The following ECHDC3 variants were observed in gnomAD, a reference collection of about 807,000 sequenced individuals.
The protein encoded by ECHDC3 is enoyl-CoA hydratase domain containing 3.
A neutral mutation model predicts 17.9 loss-of-function variants in ECHDC3; 20 were observed. The ratio of observed to expected loss-of-function variants is 1.12; its 90% CI spans 0.79 to 1.63. The LOEUF (loss-of-function observed/expected upper bound fraction) is 1.63. Ranked by LOEUF, ECHDC3 falls within the 40% of genes most tolerant of loss-of-function variation. The probability of loss-of-function intolerance (pLI) is 0.00; values close to 1 mark genes in which losing one functional copy is unlikely to be tolerated. For missense variants in ECHDC3, 407 were observed against 357.7 expected (o/e 1.14, Z -1.11); for synonymous variants, 177 against 149.7 (o/e 1.18, Z -1.33).
intron 1 of ECHDC3, among the ~76,000 whole-genome samples, chr10:11,744,950 T>C (rs1240322152): frequency 3.3e-5 from 5 of 151,542 alleles, no homozygotes; most frequent in African/African-American, 4.9e-5. Context: ...CTGGGAAGAG[T>C]GTGGAGGACA....
At chr10:11,744,596 G>A (rs756677292) in intron 1 of ECHDC3, among the ~76,000 whole-genome samples, 2 of 151,818 alleles carry the variant, frequency 1.3e-5, no homozygotes, top group Non-Finnish European at 2.9e-5. Flanking sequence ...TTTTCTCTTC[G>A]GATAGGTGAT....
Position 11,763,902 on chromosome 10 carries a change from G to C in ECHDC3, c.*358G>C. On this transcript the variant is annotated 3_prime_UTR_variant, in exon 5 of 5. Transcript: ENST00000379215. The surrounding 1 kb of genome is among the most constrained non-coding windows in gnomAD (Gnocchi z 4.9). Reference sequence around the variant, plus strand: ...AAGGACGCCAGCCTGACCCTTATCTGAAACGTCCTAAGCAGAGTTAATCCT... The same window carrying C: ...AAGGACGCCAGCCTGACCCTTATCTCAAACGTCCTAAGCAGAGTTAATCCT... 1 of 1,042,238 alleles carries C rather than the reference G, an allele frequency of 9.6e-7. No homozygotes were observed. The highest frequency in any genetic ancestry group is 3.8e-5 in the South Asian group (1 of 26,146). The allele number at this position is 1,042,238 out of a possible 1,614,324, so 64.6% of individuals were successfully genotyped here. A position where few individuals can be genotyped will look rare whatever the true frequency, so the allele number is the denominator to read the frequency against.
At chr10:11,761,668 G>A (rs1041210036) in intron 4 of ECHDC3, among the ~76,000 whole-genome samples, 7 of 152,230 alleles carry the variant, frequency 4.6e-5, no homozygotes, top group African/African-American at 1.7e-4. Flanking sequence ...GTAGTTGGCG[G>A]CACACTGCAC....
chr10:11,751,481 T>G (rs555580190), intron 3 of ECHDC3, among the ~76,000 whole-genome samples: 2 of 152,364 alleles, frequency 1.3e-5, no homozygotes, highest in South Asian at 4.1e-4. Context: ...GATTTCCATT[T>G]CCAAGTGAAA....
At chr10:11,743,478 G>A (rs943086044) in intron 1 of ECHDC3, among the ~76,000 whole-genome samples, 2 of 152,234 alleles carry the variant, frequency 1.3e-5, no homozygotes, top group Admixed American at 1.3e-4. Context: ...TGGCTTCAGC[G>A]TTTTCCTTTT....
chr10:11,757,014 C>T (rs374652126), intron 4 of ECHDC3, among the ~76,000 whole-genome samples: 1 of 152,232 alleles, frequency 6.6e-6, no homozygotes, highest in Non-Finnish European at 1.5e-5. Context: ...GGATTACAGG[C>T]GTGAGCCGCC....
intron 2 of ECHDC3, 127 bp from the exon 3 acceptor site, chr10:11,749,368 T>C (rs1832798430): frequency 1.3e-6 from 1 of 767,004 alleles, no homozygotes; most frequent in Admixed American, 2.9e-5. Flanking sequence ...TTCTCAAAAT[T>C]AGGCCATTAA....
At chr10:11,752,530 A>G (rs12246489) in intron 3 of ECHDC3, among the ~76,000 whole-genome samples, 141,943 of 152,080 alleles carry the variant, frequency 0.93, 67,091 homozygotes, top group East Asian at 1. Context: ...AGAGAGAACC[A>G]TGATTAATAT....
intron 3 of ECHDC3, among the ~76,000 whole-genome samples, chr10:11,750,048 G>A (rs1487731680): frequency 1.3e-5 from 2 of 151,834 alleles, no homozygotes; most frequent in Non-Finnish European, 2.9e-5. Context: ...CTCCTCCCTC[G>A]ACCTTCCAAA....
chr10:11,743,124 C>A (rs541302254), intron 1 of ECHDC3, among the ~76,000 whole-genome samples: 1 of 152,328 alleles, frequency 6.6e-6, no homozygotes, highest in South Asian at 2.1e-4. Flanking sequence ...GTAAATAGGA[C>A]AAAGTGCACA....
Position 11,763,720 on chromosome 10 carries a change from T to C in ECHDC3, c.*176T>C, listed in dbSNP as rs1399525784. 7.1e-7 allele frequency: 1 copy of C among 1,412,852 alleles called. No homozygotes were observed. Among genetic ancestry groups the C allele is most frequent in the Non-Finnish European group, 9.2e-7 (1 of 1,086,482 alleles). 87.5% of individuals were successfully genotyped at this position (1,412,852 alleles called of 1,614,324 possible). On this transcript the variant is annotated 3_prime_UTR_variant, in exon 5 of 5. Transcript: ENST00000379215. This position sits in a 1 kb window ranked among gnomAD's most constrained non-coding sequence, Gnocchi z 4.9. ...ACAATTTCATGGGGAAAGGACAAAA[T>C]GGAGAGTGACTGAGGTGCTGACCTC...
At position 11,749,577 on chromosome 10, in the gene ECHDC3, T is replaced by C; in HGVS notation, c.375T>C (p.Phe125=). Residue 125 remains phenylalanine, a synonymous_variant, in exon 3 of 5, where the codon TTT becomes TTC. Transcript: ENST00000379215. ...EQGRDYHAEV[F]QTCSKVMMHI... ...GCCGTGATTACCATGCCGAAGTATTTCAGACCTGTTCCAAGGTAAGCCAAG... is the reference window on the plus strand; with the variant it reads ...GCCGTGATTACCATGCCGAAGTATTCCAGACCTGTTCCAAGGTAAGCCAAG... 1 of 1,614,056 alleles carries C rather than the reference T, an allele frequency of 6.2e-7. No homozygotes were observed. Among genetic ancestry groups the C allele is most frequent in the Non-Finnish European group, 8.5e-7 (1 of 1,180,012 alleles).
intron 4 of ECHDC3, 61 bp downstream of exon 4, chr10:11,755,669 T>C: frequency 6.9e-7 from 1 of 1,454,642 alleles, no homozygotes; most frequent in Non-Finnish European, 9.4e-7. Context: ...CCTCCTCCAG[T>C]GCATGCGATG....
At chr10:11,762,859 C>T (rs2133797782) in intron 4 of ECHDC3, among the ~76,000 whole-genome samples, 1 of 152,088 alleles carries the variant, frequency 6.6e-6, no homozygotes, top group African/African-American at 2.4e-5. Context: ...ACTGGAACCC[C>T]CACTCCCCGC....
intron 4 of ECHDC3, among the ~76,000 whole-genome samples, chr10:11,762,938 C>G (rs1466709833): frequency 1.3e-5 from 2 of 151,974 alleles, no homozygotes; most frequent in Non-Finnish European, 2.9e-5. Flanking sequence ...TGTGCTTGGC[C>G]CTCAAAAGAG....
chr10:11,743,609 T>C (rs1832720988), intron 1 of ECHDC3, among the ~76,000 whole-genome samples: 3 of 152,216 alleles, frequency 2.0e-5, no homozygotes, highest in African/African-American at 7.2e-5. Flanking sequence ...AGACAGCTGC[T>C]CTTGGCCACC....
In ECHDC3 at chr10:11,756,614, G is replaced by A. The variant is rs61569482; in HGVS notation, c.591+1006G>A. On this transcript the variant is annotated intron_variant, in intron 4 of 4. Transcript: ENST00000379215. ...GGAAATTCTGAAGACAGATACCTGC[G>A]AACACACACACTTAGGACAGTGGGC... is the stretch of plus-strand genomic sequence containing the variant. Among the ~76,000 whole-genome samples the A allele has an allele frequency of 0.012, 1,884 of 152,260 alleles. 85 individuals carry two copies. In the East Asian group the frequency reaches 0.15, roughly 12 times the overall value.
At chr10:11,742,994 C>CTCCAGTCG (rs1832714219) in intron 1 of ECHDC3, 1 of 351,066 alleles carries the variant, frequency 2.8e-6, no homozygotes, top group Non-Finnish European at 5.0e-6. Flanking sequence ...AGTCGCTGGG[C>CTCCAGTCG]CTGCGGAGAG....
In ECHDC3 at chr10:11,747,415, A is replaced by G. The variant is rs749922117; in HGVS notation, c.237A>G (p.Gln79=). ...CACTTGCAATGCTGAAGTCTCTCCA[A>G]AGTGACATTCTTCATGACGCTGACA... ...ALSLAMLKSL[Q]SDILHDADSN... Residue 79 remains glutamine, a synonymous_variant, in exon 2 of 5, where the codon CAA becomes CAG. Coordinates refer to ENST00000379215, the MANE Select transcript of ECHDC3 (RefSeq NM_024693.5). 3.7e-6 allele frequency: 6 copies of G among 1,614,016 alleles called. No individual in the cohort carries two copies. The South Asian group carries it at 4.4e-5, about 12-fold the overall frequency.
Sources: gnomAD v4.1 joint callset for allele counts (sites outside exome capture counted in the v4.1 genomes callset) on GRCh38, gnomAD v4.1.1 for gene constraint, Gnocchi (gnomAD v3.1) non-coding constraint, MANE v1.5 for transcripts, NCBI Gene and HGNC (gene_info 2026-07-23, HGNC 2026-07-21) for gene names.